The following GCA variants were observed in gnomAD, a reference collection of about 807,000 sequenced individuals.
The protein encoded by GCA is grancalcin, also known as grancalcin, EF-hand calcium-binding protein.
Under a neutral mutation model 32.6 loss-of-function variants are expected in GCA, and 30 were observed. The ratio of observed to expected loss-of-function variants is 0.92; its 90% CI spans 0.69 to 1.25. The LOEUF is 1.25. Among genes scored for constraint, GCA ranks in the 50% most tolerant of loss-of-function variants. The probability of loss-of-function intolerance (pLI) is 0.00; values close to 1 mark genes in which losing one functional copy is unlikely to be tolerated. For synonymous variants in GCA, 102 were observed against 84.6 expected, an observed-to-expected ratio of 1.21 and a Z score of -1.13; for missense variants, 291 against 266.8, an observed-to-expected ratio of 1.09 and a Z score of -0.63.
intron 1 of GCA, among the ~76,000 whole-genome samples, chr2:162,337,902 A>G (rs1684320845): frequency 6.6e-6 from 1 of 152,182 alleles, no homozygotes; most frequent in South Asian, 2.1e-4. Flanking sequence ...AGGTGACAGC[A>G]CAACAGTGAA....
At chr2:162,324,608 G>A (rs1683809497) in intron 1 of GCA, among the ~76,000 whole-genome samples, 1 of 152,168 alleles carries the variant, frequency 6.6e-6, no homozygotes, top group East Asian at 1.9e-4. Context: ...TGGGGGCATG[G>A]CAGGCTACGG....
intron 1 of GCA, among the ~76,000 whole-genome samples, chr2:162,337,040 T>C (rs1476319593): frequency 1.3e-5 from 2 of 152,224 alleles, no homozygotes; most frequent in African/African-American, 2.4e-5. Context: ...GAATTTCTTT[T>C]TCTTCAGAGT....
At chr2:162,351,221 G>A (rs962861943) in intron 2 of GCA, among the ~76,000 whole-genome samples, 1 of 152,160 alleles carries the variant, frequency 6.6e-6, no homozygotes, top group Non-Finnish European at 1.5e-5. Context: ...TATGCACACT[G>A]CTTCTACTTT....
intron 1 of GCA, among the ~76,000 whole-genome samples, chr2:162,347,076 C>G (rs1684747571): frequency 6.6e-6 from 1 of 152,136 alleles, no homozygotes; most frequent in Non-Finnish European, 1.5e-5. Context: ...TACCCTTTTC[C>G]CATATTTTAT....
chr2:162,333,855 T>C (rs1684176316), intron 1 of GCA, among the ~76,000 whole-genome samples: 1 of 152,200 alleles, frequency 6.6e-6, no homozygotes, highest in Non-Finnish European at 1.5e-5. Flanking sequence ...AGCATAATGT[T>C]AACATTTAAT....
chr2:162,326,311 A>C (rs2105261730), intron 1 of GCA, among the ~76,000 whole-genome samples: 1 of 152,316 alleles, frequency 6.6e-6, no homozygotes, highest in South Asian at 2.1e-4. Flanking sequence ...CCAGAGGCCA[A>C]GCCAGTCCTT....
intron 2 of GCA, among the ~76,000 whole-genome samples, chr2:162,348,119 T>G (rs1684803354): frequency 6.6e-6 from 1 of 152,190 alleles, no homozygotes; most frequent in South Asian, 2.1e-4. Context: ...TTCTGTCACT[T>G]AAATCTTTTT....
At chr2:162,348,460 T>C (rs1684823533) in intron 2 of GCA, among the ~76,000 whole-genome samples, 1 of 152,200 alleles carries the variant, frequency 6.6e-6, no homozygotes, top group African/African-American at 2.4e-5. Context: ...GTAATTTTGA[T>C]TTGATATGGC....
At chr2:162,329,720 G>T (rs1017938331) in intron 1 of GCA, among the ~76,000 whole-genome samples, 5 of 151,752 alleles carry the variant, frequency 3.3e-5, no homozygotes, top group African/African-American at 1.2e-4. Flanking sequence ...TACATGTGCA[G>T]GTTTATTACA....
At chr2:162,356,632 T>C (rs1685284132) in intron 4 of GCA, 126 bp from the exon 5 acceptor site, 1 of 855,170 alleles carries the variant, frequency 1.2e-6, no homozygotes, top group African/African-American at 1.7e-5. Flanking sequence ...TTCTAGTTTT[T>C]ATGCAGAAGT....
intron 3 of GCA, among the ~76,000 whole-genome samples, chr2:162,355,817 T>G (rs1685238929): frequency 3.9e-5 from 6 of 151,988 alleles, no homozygotes; most frequent in Admixed American, 3.3e-4. Context: ...TCTATTACAA[T>G]AAATTACCAA....
At position 162,344,292 on chromosome 2, in the gene GCA, T is replaced by C; in HGVS notation, c.27+17T>C. ...GGAGGAGGGGTGAGTCCCAGCCGCT[T>C]GGTCGTGTCCCTCTTCCTCGCGGGG... On this transcript the variant is annotated intron_variant, in intron 1 of 7. Coordinates refer to ENST00000437150, the MANE Select transcript of GCA (RefSeq NM_012198.5). The C allele has an allele frequency of 6.2e-7, 1 of 1,613,020 alleles. No individual in the cohort carries two copies. The highest frequency in any genetic ancestry group is 8.5e-7 in the Non-Finnish European group (1 of 1,179,442).
chr2:162,325,658 G>A (rs927075163), intron 1 of GCA, among the ~76,000 whole-genome samples: 14 of 152,098 alleles, frequency 9.2e-5, no homozygotes, highest in African/African-American at 3.4e-4. Flanking sequence ...TCTTCCGGTT[G>A]GATAATGTTT....
chr2:162,340,283 C>T (rs1005304403), upstream of GCA, among the ~76,000 whole-genome samples: 1 of 152,152 alleles, frequency 6.6e-6, no homozygotes, highest in Admixed American at 6.5e-5. Context: ...GTATCACAGG[C>T]GTCTCAAATT....
intron 1 of GCA, among the ~76,000 whole-genome samples, chr2:162,328,140 G>A (rs1272830758): frequency 6.6e-6 from 1 of 151,160 alleles, no homozygotes; most frequent in Non-Finnish European, 1.5e-5. Flanking sequence ...CAGTACTTTG[G>A]TAGGCCGAGG....
At chr2:162,325,647 C>T (rs1281339795) in intron 1 of GCA, among the ~76,000 whole-genome samples, 2 of 152,176 alleles carry the variant, frequency 1.3e-5, no homozygotes, top group African/African-American at 4.8e-5. Flanking sequence ...GGTACTGCTT[C>T]TCTTCCGGTT....
exon 5 of GCA, chr2:162,371,555 C>A: frequency 1.1e-6 from 1 of 872,698 alleles, no homozygotes; most frequent in Non-Finnish European, 1.5e-6. Flanking sequence ...ATTGGAGTTT[C>A]CTAACATGCA....
At chr2:162,346,034 T>C (rs1291214256) in intron 1 of GCA, among the ~76,000 whole-genome samples, 1 of 152,194 alleles carries the variant, frequency 6.6e-6, no homozygotes, top group Non-Finnish European at 1.5e-5. Flanking sequence ...TTAAGAATTG[T>C]TTATAAAAAT....
rs192823965 is a variant in GCA at position 162,368,362 on chromosome 2, A to G, written c.366-2944A>G. 1.3e-3 allele frequency among the ~76,000 whole-genome samples: 201 copies of G among 152,178 alleles called. 1 individual carries two copies. The highest frequency in any genetic ancestry group is 2.4e-3 in the Admixed American group (36 of 15,254). On this transcript the variant is annotated intron_variant, in intron 4 of 4. Coordinates refer to the GCA transcript ENST00000414723. The stretch of plus-strand genomic sequence containing the variant: ...TATCTATTTTTGGTTTTAGCCATAG[A>G]TAAGCAATTTAGACACTCTGTTATG...
Sources: allele counts gnomAD v4.1 joint callset (sites outside exome capture counted in the v4.1 genomes callset), GRCh38; gene constraint gnomAD v4.1.1; transcripts MANE v1.5; gene names NCBI Gene and HGNC (gene_info 2026-07-23, HGNC 2026-07-21).